Variants in NRG1 observed in about 807,000 individuals in gnomAD.
NRG1 encodes the protein pro-neuregulin-1, membrane-bound isoform.
NRG1 carries 18 observed loss-of-function variants against 63.8 expected under a neutral mutation model. The ratio of observed to expected loss-of-function variants is 0.28; its 90% CI spans 0.19 to 0.42. The LOEUF (loss-of-function observed/expected upper bound fraction) is 0.42. NRG1 is among the 10% of genes least tolerant of loss of function. The pLI is 1.00. For synonymous variants in NRG1, 302 were observed against 301.3 expected (o/e 1.00, Z -0.02); for missense variants, 762 against 814.7 (o/e 0.94, Z 0.79).
chr8:32,048,446 C>CATACATATATAT (rs1821426884), intron 1 of NRG1, among the ~76,000 whole-genome samples: 1 of 6,730 alleles, frequency 1.5e-4, no homozygotes, highest in African/African-American at 1.6e-4. Flanking sequence ...TATATACATA[C>CATACATATATAT]ATATATATAT....
At chr8:32,111,053 T>G (rs1831951191) in intron 1 of NRG1, among the ~76,000 whole-genome samples, 1 of 152,200 alleles carries the variant, frequency 6.6e-6, no homozygotes, top group Non-Finnish European at 1.5e-5. Flanking sequence ...GGTGACATTT[T>G]GACAAATAAG....
At chr8:32,036,536 T>C (rs1048499070) in intron 1 of NRG1, among the ~76,000 whole-genome samples, 5 of 152,190 alleles carry the variant, frequency 3.3e-5, no homozygotes, top group African/African-American at 9.6e-5. Context: ...TCCAACTTGA[T>C]TCTGTTCTTC....
chr8:32,538,324 A>G (rs1248445664), intron 1 of NRG1, among the ~76,000 whole-genome samples: 1 of 152,214 alleles, frequency 6.6e-6, no homozygotes, highest in Non-Finnish European at 1.5e-5. Flanking sequence ...TAAACTTTTC[A>G]GAAATCAAGA....
intron 1 of NRG1, among the ~76,000 whole-genome samples, chr8:32,090,967 C>T (rs1829040383): frequency 6.6e-6 from 1 of 152,178 alleles, no homozygotes; most frequent in African/African-American, 2.4e-5. Context: ...CAGTTCACTT[C>T]CATTTCCTCT....
At chr8:31,911,127 A>G (rs996937370) in intron 1 of NRG1, among the ~76,000 whole-genome samples, 2 of 151,622 alleles carry the variant, frequency 1.3e-5, no homozygotes, top group Non-Finnish European at 2.9e-5. Context: ...TTTGGTTTCC[A>G]TGAGTAGTTA....
chr8:32,029,779 G>A (rs1374584843), intron 1 of NRG1, among the ~76,000 whole-genome samples: 2 of 151,770 alleles, frequency 1.3e-5, no homozygotes, highest in South Asian at 2.1e-4. Flanking sequence ...GACCTGAATC[G>A]TATTAAATAC....
intron 5 of NRG1, among the ~76,000 whole-genome samples, chr8:32,688,304 C>T (rs1039763777): frequency 6.6e-6 from 1 of 152,184 alleles, no homozygotes; most frequent in Non-Finnish European, 1.5e-5. Context: ...GCTCAACTCA[C>T]CTAAACTTCT....
chr8:32,238,273 T>C (rs1469440559), intron 1 of NRG1, among the ~76,000 whole-genome samples: 1 of 151,992 alleles, frequency 6.6e-6, no homozygotes, highest in Non-Finnish European at 1.5e-5. Context: ...GAGACCAGCC[T>C]GGCCAAAATG....
intron 1 of NRG1, among the ~76,000 whole-genome samples, chr8:32,552,400 C>T (rs1419619644): frequency 6.6e-6 from 1 of 152,034 alleles, no homozygotes; most frequent in Non-Finnish European, 1.5e-5. Flanking sequence ...TATCCTGTCT[C>T]CCTTCACTCC....
intron 1 of NRG1, among the ~76,000 whole-genome samples, chr8:31,782,316 A>C (rs1461576041): frequency 6.6e-6 from 1 of 152,064 alleles, no homozygotes; most frequent in Non-Finnish European, 1.5e-5. Context: ...TTTCGCTCAG[A>C]TACCATGTTA....
intron 1 of NRG1, among the ~76,000 whole-genome samples, chr8:31,796,245 G>T (rs969566787): frequency 6.6e-6 from 1 of 151,912 alleles, no homozygotes; most frequent in Non-Finnish European, 1.5e-5. Context: ...GCTTTTATGT[G>T]CATATAGAAG....
At chr8:31,698,692 G>A (rs1283593193) in intron 1 of NRG1, among the ~76,000 whole-genome samples, 1 of 152,132 alleles carries the variant, frequency 6.6e-6, no homozygotes, top group Non-Finnish European at 1.5e-5. Flanking sequence ...AATAGAACCT[G>A]TTATGAAGCA....
intron 1 of NRG1, among the ~76,000 whole-genome samples, chr8:32,184,149 G>T (rs537770314): frequency 2.6e-5 from 4 of 151,906 alleles, no homozygotes; most frequent in East Asian, 1.9e-4. Flanking sequence ...TAGATATATA[G>T]AGAGAGTACA....
intron 3 of NRG1, among the ~76,000 whole-genome samples, chr8:32,613,339 C>G (rs2129541374): frequency 6.6e-6 from 1 of 152,156 alleles, no homozygotes; most frequent in South Asian, 2.1e-4. Context: ...CTGAGTCTCA[C>G]ATGACTTTGT....
At chr8:32,196,096 ATAATGTGCAG>A (rs1842920605) in intron 1 of NRG1, among the ~76,000 whole-genome samples, 1 of 151,010 alleles carries the variant, frequency 6.6e-6, no homozygotes, top group Non-Finnish European at 1.5e-5. Flanking sequence ...GCCTGTACAA[ATAATGTGCAG>A]TAAAAACAAT....
At chr8:32,647,341 T>G in intron 5 of NRG1, 1 of 985,402 alleles carries the variant, frequency 1.0e-6, no homozygotes, top group Middle Eastern at 5.2e-4. Context: ...CAGCTTCAGA[T>G]GCTCGAGGTG....
At chr8:31,719,069 T>C (rs1420662797) in intron 1 of NRG1, among the ~76,000 whole-genome samples, 1 of 152,202 alleles carries the variant, frequency 6.6e-6, no homozygotes, top group Non-Finnish European at 1.5e-5. Context: ...CTAAAACAAC[T>C]CTCTCCAACT....
intron 1 of NRG1, among the ~76,000 whole-genome samples, chr8:31,959,733 A>C (rs1181281652): frequency 3.3e-5 from 5 of 151,942 alleles, no homozygotes; most frequent in African/African-American, 1.2e-4. Flanking sequence ...ATTATTAATA[A>C]AACTAAAAAT....
At chr8:32,383,332 A>G (rs1402138151) in intron 1 of NRG1, among the ~76,000 whole-genome samples, 2 of 152,080 alleles carry the variant, frequency 1.3e-5, no homozygotes, top group Non-Finnish European at 2.9e-5. Context: ...TATAAATAAA[A>G]CTGCCCTTCT....
Sources: allele counts gnomAD v4.1 joint callset (sites outside exome capture counted in the v4.1 genomes callset), GRCh38; gene constraint gnomAD v4.1.1; transcripts MANE v1.5; gene names NCBI Gene and HGNC (gene_info 2026-07-23, HGNC 2026-07-21).